The following PTK2 variants were observed in gnomAD, a reference collection of about 807,000 sequenced individuals.
The protein encoded by PTK2 is protein tyrosine kinase 2, also known as focal adhesion kinase 1.
In PTK2, 45 loss-of-function variants were observed where a neutral mutation model predicts 150.1. The observed-to-expected ratio is 0.30, with a 90% CI of 0.24 to 0.38. The LOEUF is 0.38. Among genes scored for constraint, PTK2 ranks in the 10% least tolerant of loss-of-function variants. The pLI, the probability that PTK2 is intolerant of heterozygous loss-of-function variation, is 1.00. For synonymous variants in PTK2, 432 were observed against 449.2 expected (o/e 0.96, Z 0.48); for missense variants, 919 against 1,307.3 (o/e 0.70, Z 4.58).
intron 23 of PTK2, among the ~76,000 whole-genome samples, chr8:140,714,436 GTA>G (rs1254241247): frequency 6.6e-6 from 1 of 150,598 alleles, no homozygotes; most frequent in Non-Finnish European, 1.5e-5. Context: ...GGGCAACATA[GTA>G]AGACCCCATC....
At chr8:140,758,329 T>A (rs2100067107) in intron 16 of PTK2, among the ~76,000 whole-genome samples, 1 of 152,182 alleles carries the variant, frequency 6.6e-6, no homozygotes, top group Admixed American at 6.5e-5. Flanking sequence ...GTTCGAGTGA[T>A]CTTCCTGCCT....
At chr8:140,795,147 T>C (rs1353190281) in intron 12 of PTK2, among the ~76,000 whole-genome samples, 1 of 152,218 alleles carries the variant, frequency 6.6e-6, no homozygotes, top group Non-Finnish European at 1.5e-5. Flanking sequence ...AGCCTCCTGA[T>C]TGGTCCCTCT....
At chr8:140,808,326 TGAG>T (rs200600642) in intron 10 of PTK2, among the ~76,000 whole-genome samples, 1 of 151,992 alleles carries the variant, frequency 6.6e-6, no homozygotes, top group Non-Finnish European at 1.5e-5. Flanking sequence ...GCAGAACAAA[TGAG>T]GAGGAGGAGT....
At chr8:140,784,489 C>T (rs1184767355) in intron 14 of PTK2, among the ~76,000 whole-genome samples, 1 of 152,006 alleles carries the variant, frequency 6.6e-6, no homozygotes, top group Non-Finnish European at 1.5e-5. Flanking sequence ...AAGTTTATAC[C>T]TTCAAAATAT....
chr8:140,971,512 T>C (rs28821189), intron 1 of PTK2, among the ~76,000 whole-genome samples: 3,672 of 152,296 alleles, frequency 0.024, 157 homozygotes, highest in African/African-American at 0.085. Flanking sequence ...CTCAAATTTT[T>C]CTAAAAGAGC....
Position 140,679,003 on chromosome 8 carries a change from GTTTTTTTTTTTTTTT to G in PTK2, c.2563-3519_2563-3505del, listed in dbSNP as rs533089786. Reference sequence around the variant, plus strand: ...TCACGGCCAGCTGAGTGCTCCCCATGTTTTTTTTTTTTTTTTTTTTTTTTTTTTTTTTTTTTTTTG... The same window carrying G: ...TCACGGCCAGCTGAGTGCTCCCCATGTTTTTTTTTTTTTTTTTTTTTTTTG... On this transcript the variant is annotated intron_variant, in intron 27 of 31. Coordinates refer to ENST00000522684, the Ensembl canonical transcript of PTK2. Among the ~76,000 whole-genome samples the G allele has an allele frequency of 6.7e-3, 460 of 69,008 alleles. 8 individuals are homozygous for G. The East Asian group carries it at 0.11, about 16-fold the overall frequency. 45.3% of individuals were successfully genotyped at this position (69,008 alleles called of 152,430 possible).
intron 2 of PTK2, among the ~76,000 whole-genome samples, chr8:140,902,409 G>T (rs577202634): frequency 1.8e-4 from 27 of 152,222 alleles, no homozygotes; most frequent in Non-Finnish European, 3.4e-4. Context: ...TGTGAACAGT[G>T]TTGCAATAAA....
chr8:140,934,095 T>A (rs1472346204), intron 1 of PTK2, among the ~76,000 whole-genome samples: 2 of 151,960 alleles, frequency 1.3e-5, no homozygotes, highest in Non-Finnish European at 2.9e-5. Flanking sequence ...CACAAATAAA[T>A]AACTAAAATT....
At chr8:140,856,316 T>C (rs1243439423) in intron 5 of PTK2, among the ~76,000 whole-genome samples, 21 of 152,150 alleles carry the variant, frequency 1.4e-4, no homozygotes. Context: ...CCAGCCCATG[T>C]TCACAAAAAT....
At chr8:140,858,149 T>G (rs1371351883) in intron 5 of PTK2, among the ~76,000 whole-genome samples, 1 of 152,092 alleles carries the variant, frequency 6.6e-6, no homozygotes, top group Non-Finnish European at 1.5e-5. Flanking sequence ...ATAAAACTGG[T>G]CACGGTTGAG....
chr8:140,916,122 G>A (rs575990492), intron 2 of PTK2, among the ~76,000 whole-genome samples: 4 of 152,278 alleles, frequency 2.6e-5, no homozygotes, highest in African/African-American at 9.6e-5. Context: ...AATGAAAAGG[G>A]AGAGTTCACC....
intron 10 of PTK2, among the ~76,000 whole-genome samples, chr8:140,817,086 G>A (rs1054157484): frequency 6.6e-6 from 1 of 152,270 alleles, no homozygotes; most frequent in South Asian, 2.1e-4. Context: ...GGGAGGAAGG[G>A]GCAAAGAAAG....
At chr8:140,694,331 G>A (rs1047601259) in intron 26 of PTK2, among the ~76,000 whole-genome samples, 4 of 152,050 alleles carry the variant, frequency 2.6e-5, no homozygotes, top group African/African-American at 7.2e-5. Context: ...GTGAGCCACC[G>A]CACCCGGCCT....
intron 5 of PTK2, among the ~76,000 whole-genome samples, chr8:140,850,646 C>T (rs539542717): frequency 3.3e-5 from 5 of 151,728 alleles, no homozygotes; most frequent in African/African-American, 4.8e-5. Context: ...AAGAGAATGG[C>T]GTGAACGCGG....
intron 31 of PTK2, among the ~76,000 whole-genome samples, chr8:140,663,921 T>C (rs1588850759): frequency 6.6e-6 from 1 of 152,330 alleles, no homozygotes; most frequent in East Asian, 1.9e-4. Flanking sequence ...CCCAAAGTGT[T>C]GGGATTACAG....
chr8:140,872,665 A>T (rs562271765), intron 4 of PTK2, among the ~76,000 whole-genome samples: 10 of 152,288 alleles, frequency 6.6e-5, no homozygotes, highest in African/African-American at 2.2e-4. Context: ...GATTGGGAAG[A>T]GCTGGTGGCT....
chr8:140,718,750 C>A (rs2100041160), intron 22 of PTK2: 1 of 152,188 alleles, frequency 6.6e-6, no homozygotes, highest in Non-Finnish European at 1.5e-5. Context: ...CACAACTCAA[C>A]TTACACAGTC....
At chr8:140,919,391 C>CTCTTTTCT (rs1227211917) in intron 2 of PTK2, among the ~76,000 whole-genome samples, 1 of 152,200 alleles carries the variant, frequency 6.6e-6, no homozygotes, top group Non-Finnish European at 1.5e-5. Context: ...ACACTATAAT[C>CTCTTTTCT]TCTTTTCTTC....
At chr8:140,710,754 T>C (rs1017746410) in intron 23 of PTK2, among the ~76,000 whole-genome samples, 3 of 152,332 alleles carry the variant, frequency 2.0e-5, no homozygotes, top group Middle Eastern at 3.4e-3. Flanking sequence ...TGTGCTATTT[T>C]ATATAAGGAA....
Sources: gnomAD v4.1 joint callset for allele counts (sites outside exome capture counted in the v4.1 genomes callset) on GRCh38, gnomAD v4.1.1 for gene constraint, MANE v1.5 for transcripts, NCBI Gene and HGNC (gene_info 2026-07-23, HGNC 2026-07-21) for gene names.